KANK1: variants seen among roughly 807,000 people sequenced by gnomAD.
KANK1 encodes the protein KN motif and ankyrin repeat domains 1.
Under a neutral mutation model 106.2 loss-of-function variants are expected in KANK1, and 109 were observed. The observed-to-expected ratio is 1.03, with a 90% CI of 0.88 to 1.20. The LOEUF (loss-of-function observed/expected upper bound fraction) is 1.20. KANK1 is among the 50% of genes most tolerant of loss of function. The probability of loss-of-function intolerance (pLI) is 0.00; values close to 1 mark genes in which losing one functional copy is unlikely to be tolerated. For synonymous variants in KANK1, 873 were observed against 652.2 expected (o/e 1.34, Z -5.16); for missense variants, 2,399 against 1,710.7 (o/e 1.40, Z -7.10).
chr9:541,452 CA>C, intron 1 of KANK1, among the ~76,000 whole-genome samples: 2 of 152,194 alleles, frequency 1.3e-5, no homozygotes, highest in Middle Eastern at 6.8e-3. Flanking sequence ...GGGCATGGCT[CA>C]GGGGTAGAGG....
At chr9:593,398 A>G (rs1825461471) in intron 1 of KANK1, among the ~76,000 whole-genome samples, 1 of 151,526 alleles carries the variant, frequency 6.6e-6, no homozygotes, top group African/African-American at 2.4e-5. Context: ...AGTTTATTGT[A>G]TATACTTTCA....
chr9:527,946 A>T (rs949100956), intron 1 of KANK1, among the ~76,000 whole-genome samples: 35 of 151,892 alleles, frequency 2.3e-4, no homozygotes, highest in African/African-American at 7.3e-4. Flanking sequence ...CCTGGCCAAC[A>T]TGGTGAAACC....
intron 1 of KANK1, among the ~76,000 whole-genome samples, chr9:546,316 GCTA>G (rs1205143090): frequency 9.2e-5 from 14 of 151,994 alleles, no homozygotes. Flanking sequence ...GAGGGTAGGT[GCTA>G]CTGTCATCTA....
chr9:680,661 T>C (rs1237937443), intron 2 of KANK1, among the ~76,000 whole-genome samples: 2 of 152,176 alleles, frequency 1.3e-5, no homozygotes, highest in Admixed American at 6.5e-5. Context: ...TTGTACATTC[T>C]AGGGACAGTT....
intron 2 of KANK1, among the ~76,000 whole-genome samples, chr9:687,426 G>C (rs1025159177): frequency 6.6e-5 from 10 of 152,062 alleles, no homozygotes; most frequent in African/African-American, 2.4e-4. Flanking sequence ...CTTTTGTTTT[G>C]GACTTATTTT....
intron 1 of KANK1, among the ~76,000 whole-genome samples, chr9:626,876 G>A (rs10491597): frequency 0.066 from 10,072 of 152,168 alleles, 1,084 homozygotes; most frequent in African/African-American, 0.23. Context: ...CAGCTTTACA[G>A]TGTGTTAAAC....
intron 1 of KANK1, among the ~76,000 whole-genome samples, chr9:613,014 C>G (rs1023023029): frequency 2.3e-4 from 35 of 151,830 alleles, no homozygotes; most frequent in African/African-American, 7.5e-4. Context: ...AAGGGGCATA[C>G]AAAATAAAAT....
At chr9:632,132 A>G (rs1273259310) in intron 1 of KANK1, among the ~76,000 whole-genome samples, 6 of 152,196 alleles carry the variant, frequency 3.9e-5, no homozygotes. Context: ...TTTAAGTTTG[A>G]CTAGGTATGG....
chr9:712,814 TCAC>T lies in KANK1; in HGVS notation c.2051_2053del (p.Thr684del). 6.8e-6 allele frequency: 11 copies of T among 1,613,546 alleles called. No homozygotes were observed. The highest frequency in any genetic ancestry group is 8.5e-6 in the Non-Finnish European group (10 of 1,179,842). On this transcript the variant is annotated inframe_deletion, in exon 3 of 12. Coordinates refer to ENST00000382297, the MANE Select transcript of KANK1 (RefSeq NM_015158.5). The stretch of plus-strand genomic sequence containing the variant: ...ACAGATTTGGAACAGGTGCACCAGT[TCAC>T]CAACACCGAGACGGCCACCCTCATA...
At chr9:592,152 G>A (rs890594349) in intron 1 of KANK1, among the ~76,000 whole-genome samples, 18 of 151,732 alleles carry the variant, frequency 1.2e-4, no homozygotes, top group African/African-American at 4.4e-4. Context: ...AAGAGGTTTT[G>A]CAAAAGCTTC....
At chr9:546,719 T>C (rs1242856616) in intron 1 of KANK1, among the ~76,000 whole-genome samples, 1 of 152,000 alleles carries the variant, frequency 6.6e-6, no homozygotes, top group Admixed American at 6.6e-5. Flanking sequence ...GTGTCCTTAT[T>C]TCTGTTTCTG....
In KANK1 at chr9:712,021, T is replaced by C; in HGVS notation, c.1255T>C (p.Ser419Pro). 6.2e-7 allele frequency: 1 copy of C among 1,614,088 alleles called. No individual in the cohort carries two copies. The highest frequency in any genetic ancestry group is 1.3e-5 in the African/African-American group (1 of 75,004). ...CGACATCGTCGTGTACCACAGAGGC[T>C]CCAGGTCCTGTAAGGATGCAGCTGT... ...MNDIVVYHRGSRSCKDAAVGT... is the reference protein window; with the variant it reads ...MNDIVVYHRGPRSCKDAAVGT... Residue 419 changes from serine to proline, a missense_variant, in exon 3 of 12, where the codon TCC (serine) becomes CCC (proline). By Grantham distance (74) the Ser-to-Pro change is moderately conservative. Coordinates refer to ENST00000382297, the MANE Select transcript of KANK1 (RefSeq NM_015158.5).
chr9:616,998 G>A lies in KANK1; in HGVS notation c.-83-59892G>A, dbSNP rs573028863. ...GCAGGAAATTTTGGTGAATAGTAAT[G>A]TAATCTACCACATGTTTAAAATGCA... On this transcript the variant is annotated intron_variant, in intron 1 of 11. Coordinates refer to ENST00000382297, the MANE Select transcript of KANK1 (RefSeq NM_015158.5). Among the ~76,000 whole-genome samples, 89 of 152,274 alleles carry A rather than the reference G, an allele frequency of 5.8e-4. 1 individual carries two copies. The highest frequency in any genetic ancestry group is 2.0e-3 in the African/African-American group (84 of 41,540).
intron 1 of KANK1, among the ~76,000 whole-genome samples, chr9:606,126 G>C (rs933697179): frequency 1.4e-5 from 2 of 138,310 alleles, no homozygotes; most frequent in Admixed American, 7.6e-5. Context: ...ATATAGCATT[G>C]AATTACACAT....
intron 1 of KANK1, among the ~76,000 whole-genome samples, chr9:607,225 C>A (rs1023628972): frequency 2.6e-5 from 4 of 151,714 alleles, no homozygotes; most frequent in Non-Finnish European, 5.9e-5. Context: ...GTGACTTATG[C>A]CTGTAATCCC....
intron 1 of KANK1, among the ~76,000 whole-genome samples, chr9:615,686 A>T (rs1196112849): frequency 1.3e-5 from 2 of 152,148 alleles, no homozygotes; most frequent in African/African-American, 4.8e-5. Context: ...TTGTCCAGTT[A>T]ACACCAGCTT....
chr9:705,973 T>G (rs531724846), intron 2 of KANK1, among the ~76,000 whole-genome samples: 20 of 152,078 alleles, frequency 1.3e-4, no homozygotes, highest in Non-Finnish European at 2.8e-4. Flanking sequence ...AAAAAAGTGT[T>G]TTCGTCTTGT....
chr9:735,217 T>C (rs1198134117), intron 7 of KANK1, among the ~76,000 whole-genome samples: 2 of 152,212 alleles, frequency 1.3e-5, no homozygotes, highest in African/African-American at 4.8e-5. Flanking sequence ...AGTTAGCATA[T>C]GTTTTTAAAA....
At chr9:518,757 A>G (rs1452021625) in intron 1 of KANK1, among the ~76,000 whole-genome samples, 1 of 151,642 alleles carries the variant, frequency 6.6e-6, no homozygotes, top group African/African-American at 2.4e-5. Flanking sequence ...GTGACCCTGT[A>G]TGACATACAG....
Sources: gnomAD v4.1 joint callset for allele counts (sites outside exome capture counted in the v4.1 genomes callset) on GRCh38, gnomAD v4.1.1 for gene constraint, MANE v1.5 for transcripts, NCBI Gene and HGNC (gene_info 2026-07-23, HGNC 2026-07-21) for gene names.